The following NEDD4 variants were observed in gnomAD, a reference collection of about 807,000 sequenced individuals.
NEDD4 encodes the protein E3 ubiquitin-protein ligase NEDD4.
NEDD4 carries 99 observed loss-of-function variants against 144.9 expected under a neutral mutation model. That is an observed-to-expected ratio of 0.68 (90% confidence interval 0.58 to 0.81). The LOEUF (loss-of-function observed/expected upper bound fraction) is 0.81. Ranked by LOEUF, NEDD4 falls within the 30% of genes least tolerant of loss-of-function variation. NEDD4 has a pLI of 0.00. For missense variants in NEDD4, 985 were observed against 1,065.9 expected, an observed-to-expected ratio of 0.92 and a Z score of 1.06; for synonymous variants, 318 against 350.6, an observed-to-expected ratio of 0.91 and a Z score of 1.04.
chr15:55,972,234 T>C (rs1383471804), intron 1 of NEDD4, among the ~76,000 whole-genome samples: 2 of 152,170 alleles, frequency 1.3e-5, no homozygotes, highest in African/African-American at 4.8e-5. Context: ...CAGAATATTA[T>C]ATCACTGTAA....
At chr15:55,874,896 T>C (rs1425788015) in intron 5 of NEDD4, among the ~76,000 whole-genome samples, 1 of 151,486 alleles carries the variant, frequency 6.6e-6, no homozygotes, top group African/African-American at 2.4e-5. Context: ...GTGGCTTAAA[T>C]CCAGGAGGCA....
chr15:55,961,939 T>C (rs1669956550), intron 2 of NEDD4, among the ~76,000 whole-genome samples: 2 of 152,228 alleles, frequency 1.3e-5, no homozygotes, highest in African/African-American at 4.8e-5. Flanking sequence ...TTTATGTTTT[T>C]GATTTTTTTA....
chr15:55,847,005 T>C lies in NEDD4; in HGVS notation c.1572A>G (p.Arg524=), dbSNP rs756214199. ...ACTTTCTTCGGAAGAACTCATACTT[T>C]CTTTTGTAATCCCTGGAGTAGGGCA... ...PAVPYSRDYK[R]KYEFFRRKLK... Residue 524 remains arginine, a synonymous_variant, in exon 18 of 29, where the codon AGA becomes AGG. Transcript: ENST00000435532. The C allele has an allele frequency of 6.8e-6, 11 of 1,610,568 alleles. No homozygotes were observed. The African/African-American group carries it at 1.3e-4, about 20-fold the overall frequency.
At position 55,876,274 on chromosome 15, in the gene NEDD4, G is replaced by C. The variant is rs550927547; in HGVS notation, c.292-2266C>G. Among the ~76,000 whole-genome samples the C allele has an allele frequency of 2.0e-5, 3 of 152,036 alleles. No homozygotes were observed. The South Asian group carries it at 6.2e-4, about 32-fold the overall frequency. On this transcript the variant is annotated intron_variant, in intron 5 of 28. Coordinates refer to ENST00000435532, the MANE Select transcript of NEDD4 (RefSeq NM_006154.4). ...GCTATAGGAAGTTCTTCAGGCTGAG[G>C]ATAAGTGGCACCAGATAGAAATTCA...
At chr15:55,942,127 GTTTA>G (rs1417506638) in intron 4 of NEDD4, among the ~76,000 whole-genome samples, 3 of 151,690 alleles carry the variant, frequency 2.0e-5, no homozygotes, top group African/African-American at 7.3e-5. Flanking sequence ...TTGTGGATTT[GTTTA>G]TTTATTTAGT....
intron 5 of NEDD4, among the ~76,000 whole-genome samples, chr15:55,883,726 C>G (rs1205551728): frequency 2.1e-5 from 3 of 141,056 alleles, no homozygotes; most frequent in African/African-American, 5.3e-5. Context: ...CACACACACA[C>G]AGAAAGAGAA....
At chr15:55,936,526 C>A (rs1186341970) in intron 4 of NEDD4, among the ~76,000 whole-genome samples, 2 of 152,060 alleles carry the variant, frequency 1.3e-5, no homozygotes, top group Non-Finnish European at 2.9e-5. Flanking sequence ...AAAAAACTAT[C>A]TTGCATAAGT....
rs180783774 is a variant in NEDD4 at position 55,846,706 on chromosome 15, C to T, written c.1608+263G>A. On this transcript the variant is annotated intron_variant, in intron 18 of 28. Transcript: ENST00000435532. Reference sequence around the variant, plus strand: ...AAGCCCCATAAACCCCACAGGGATACACCAGGTTAGAGCTCTGGAAAGCAA... The same window carrying T: ...AAGCCCCATAAACCCCACAGGGATATACCAGGTTAGAGCTCTGGAAAGCAA... 5.6e-4 allele frequency among the ~76,000 whole-genome samples: 85 copies of T among 152,274 alleles called. No individual in the cohort carries two copies. In the East Asian group the frequency reaches 9.1e-3, roughly 16 times the overall value.
chr15:55,886,769 A>C (rs1424314225), intron 5 of NEDD4, among the ~76,000 whole-genome samples: 3 of 152,058 alleles, frequency 2.0e-5, no homozygotes, highest in Non-Finnish European at 4.4e-5. Context: ...AAAAAAAAAA[A>C]AAAAATTGAA....
At chr15:55,958,967 GC>G (rs2037384124) in intron 2 of NEDD4, among the ~76,000 whole-genome samples, 2 of 85,150 alleles carry the variant, frequency 2.3e-5, no homozygotes, top group African/African-American at 8.1e-5. Flanking sequence ...CAAATAACAA[GC>G]TTTTGATTAC....
At chr15:55,932,729 G>A (rs1183520654) in intron 4 of NEDD4, among the ~76,000 whole-genome samples, 5 of 152,212 alleles carry the variant, frequency 3.3e-5, no homozygotes, top group South Asian at 2.1e-4. Context: ...AGAGTGAACA[G>A]GCAACCTACA....
intron 5 of NEDD4, among the ~76,000 whole-genome samples, chr15:55,876,674 A>C (rs1300936816): frequency 1.3e-5 from 2 of 152,138 alleles, no homozygotes; most frequent in African/African-American, 2.4e-5. Flanking sequence ...AGATGAGAGG[A>C]ACAGAAATAA....
At chr15:55,939,647 C>T (rs1321994038) in intron 4 of NEDD4, among the ~76,000 whole-genome samples, 1 of 152,190 alleles carries the variant, frequency 6.6e-6, no homozygotes, top group African/African-American at 2.4e-5. Context: ...ATCAAAACCA[C>T]ACCTGTTAGG....
At chr15:55,873,085 G>C (rs1472327798) in intron 6 of NEDD4, among the ~76,000 whole-genome samples, 9 of 152,044 alleles carry the variant, frequency 5.9e-5, no homozygotes, top group African/African-American at 2.2e-4. Flanking sequence ...AGTCTGCCTT[G>C]AAACTCCTTT....
chr15:55,923,645 C>CAAAA (rs767874914), intron 5 of NEDD4, among the ~76,000 whole-genome samples: 19,686 of 122,658 alleles, frequency 0.16, 1,971 homozygotes, highest in Admixed American at 0.25. Flanking sequence ...GACTCCATCT[C>CAAAA]AAAAAAAAAA....
intron 1 of NEDD4, among the ~76,000 whole-genome samples, chr15:55,973,240 G>T (rs563552758): frequency 6.6e-5 from 10 of 152,172 alleles, no homozygotes; most frequent in Non-Finnish European, 8.8e-5. Flanking sequence ...AGCCACAAAA[G>T]AAGTCTTTAA....
rs2037242073 is a variant in NEDD4, at chr15:55,951,599, A to G, written c.120-10T>C. On this transcript the variant is annotated splice_polypyrimidine_tract_variant and intron_variant, in intron 2 of 28. Transcript: ENST00000435532. ...TCTCACGTAAGGATCACTGTTAAAA[A>G]AAAAAAAAAAAAGAAAGAAAAATTT... 2.1e-6 allele frequency: 3 copies of G among 1,443,570 alleles called. No homozygotes were observed. The highest frequency in any genetic ancestry group is 1.5e-5 in the African/African-American group (1 of 68,524). The allele number at this position is 1,443,570 out of a possible 1,614,324, so 89.4% of individuals were successfully genotyped here.
At chr15:55,837,870 A>AT (rs1375953698) in intron 23 of NEDD4, 21 bp from the exon 24 acceptor site, 1 of 1,585,804 alleles carries the variant, frequency 6.3e-7, no homozygotes, top group Non-Finnish European at 8.6e-7. Context: ...ACAACATTTC[A>AT]TTTTCATGTG....
At chr15:55,905,758 A>G (rs1041116186) in intron 5 of NEDD4, among the ~76,000 whole-genome samples, 41 of 151,992 alleles carry the variant, frequency 2.7e-4, no homozygotes, top group African/African-American at 9.9e-4. Flanking sequence ...AGTTCTTTGT[A>G]GATTCTGGAT....
Sources: allele counts gnomAD v4.1 joint callset (sites outside exome capture counted in the v4.1 genomes callset), GRCh38; gene constraint gnomAD v4.1.1; transcripts MANE v1.5; gene names NCBI Gene and HGNC (gene_info 2026-07-23, HGNC 2026-07-21).